The following FAM184A variants were observed in gnomAD, a reference collection of about 807,000 sequenced individuals.
FAM184A encodes the protein family with sequence similarity 184 member A, also known as protein FAM184A.
Under a neutral mutation model 143.8 loss-of-function variants are expected in FAM184A, and 99 were observed. That is an observed-to-expected ratio of 0.69 (90% CI 0.58 to 0.81). The LOEUF is 0.81. Ranked by LOEUF, FAM184A falls within the 40% of genes least tolerant of loss-of-function variation. The pLI, the probability that FAM184A is intolerant of heterozygous loss-of-function variation, is 0.00. For missense variants in FAM184A, 1,217 were observed against 1,310.5 expected (o/e 0.93, Z 1.10); for synonymous variants, 427 against 446.4 (o/e 0.96, Z 0.55).
At chr6:119,105,508 A>T (rs1788755419) in intron 1 of FAM184A, among the ~76,000 whole-genome samples, 1 of 152,152 alleles carries the variant, frequency 6.6e-6, no homozygotes, top group Non-Finnish European at 1.5e-5. Flanking sequence ...CAGTTTCCTG[A>T]GGCTTCCCAG....
chr6:119,043,626 C>A (rs1279270805), intron 1 of FAM184A, among the ~76,000 whole-genome samples: 1 of 152,156 alleles, frequency 6.6e-6, no homozygotes, highest in Non-Finnish European at 1.5e-5. Flanking sequence ...TTTTTCTACC[C>A]CTGCCCCACC....
intron 1 of FAM184A, among the ~76,000 whole-genome samples, chr6:119,095,076 G>A (rs1000770929): frequency 2.6e-5 from 4 of 152,134 alleles, no homozygotes; most frequent in African/African-American, 4.8e-5. Flanking sequence ...ATAGGAAAGT[G>A]CATTACAGCT....
intron 7 of FAM184A, among the ~76,000 whole-genome samples, chr6:119,005,056 T>A (rs997758438): frequency 6.6e-6 from 1 of 152,240 alleles, no homozygotes; most frequent in African/African-American, 2.4e-5. Flanking sequence ...AAATATCATT[T>A]TCCTTTTATT....
At chr6:118,985,457 T>TCCAGTAGAGGGGCC (rs1407818096) in intron 9 of FAM184A, among the ~76,000 whole-genome samples, 1 of 152,224 alleles carries the variant, frequency 6.6e-6, no homozygotes, top group Non-Finnish European at 1.5e-5. Flanking sequence ...TAATAATTTT[T>TCCAGTAGAGGGGCC]CCAGTAGAGG....
intron 1 of FAM184A, among the ~76,000 whole-genome samples, chr6:119,040,387 T>G (rs1443036061): frequency 6.6e-6 from 1 of 152,204 alleles, no homozygotes; most frequent in Admixed American, 6.5e-5. Context: ...CCCACATGCA[T>G]GGCTTTTCCT....
At chr6:118,962,117 TG>T in intron 16 of FAM184A, 154 bp from the exon 17 acceptor site, 1 of 661,450 alleles carries the variant, frequency 1.5e-6, no homozygotes. Flanking sequence ...AACTGTGGTC[TG>T]GGAATCCTTG....
chr6:119,043,589 C>G (rs1786421421), intron 1 of FAM184A, among the ~76,000 whole-genome samples: 1 of 152,202 alleles, frequency 6.6e-6, no homozygotes, highest in Non-Finnish European at 1.5e-5. Flanking sequence ...AAGCCATAAG[C>G]TACTAGGGTA....
chr6:119,065,760 T>G (rs565140485), intron 1 of FAM184A, among the ~76,000 whole-genome samples: 1 of 150,742 alleles, frequency 6.6e-6, no homozygotes, highest in African/African-American at 2.5e-5. Flanking sequence ...TCAGATTTGA[T>G]ATTTCTCAAA....
At chr6:119,065,186 G>A (rs1006680982) in intron 1 of FAM184A, among the ~76,000 whole-genome samples, 1 of 152,160 alleles carries the variant, frequency 6.6e-6, no homozygotes, top group African/African-American at 2.4e-5. Flanking sequence ...TCACCATTCT[G>A]TGATCATGTT....
upstream of FAM184A, among the ~76,000 whole-genome samples, chr6:119,081,050 T>C (rs1788047013): frequency 6.6e-6 from 1 of 151,946 alleles, no homozygotes; most frequent in South Asian, 2.1e-4. Context: ...AACAACCAGA[T>C]CTCATGGTAA....
At chr6:119,096,713 A>G (rs538757110) in intron 1 of FAM184A, among the ~76,000 whole-genome samples, 1 of 151,940 alleles carries the variant, frequency 6.6e-6, no homozygotes, top group East Asian at 1.9e-4. Flanking sequence ...TAGTATTGGT[A>G]TTGGTCTAGG....
intron 1 of FAM184A, among the ~76,000 whole-genome samples, chr6:119,028,472 G>A (rs923800528): frequency 9.2e-5 from 14 of 152,180 alleles, no homozygotes; most frequent in African/African-American, 3.1e-4. Context: ...GACAAGGTCG[G>A]AGAGTTGAGT....
intron 1 of FAM184A, among the ~76,000 whole-genome samples, chr6:119,125,070 T>C (rs1327252758): frequency 7.2e-5 from 11 of 152,250 alleles, no homozygotes; most frequent in African/African-American, 2.7e-4. Context: ...TCATTCTTTA[T>C]AAACATTGTT....
intron 10 of FAM184A, among the ~76,000 whole-genome samples, chr6:118,979,912 TG>T (rs1397593960): frequency 6.6e-6 from 1 of 150,724 alleles, no homozygotes; most frequent in Non-Finnish European, 1.5e-5. Context: ...TAGCCAGGCA[TG>T]GTGGTGTGCG....
upstream of FAM184A, chr6:119,079,288 G>A (rs1274412172): frequency 6.6e-6 from 1 of 152,244 alleles, no homozygotes; most frequent in African/African-American, 2.4e-5. Context: ...CAGTCAGCTG[G>A]TGGAGCACCG....
At chr6:119,021,897 G>A (rs1454642329) in intron 3 of FAM184A, among the ~76,000 whole-genome samples, 3 of 152,022 alleles carry the variant, frequency 2.0e-5, no homozygotes, top group African/African-American at 7.2e-5. Flanking sequence ...GATCACTTGA[G>A]CCCAGGAAGT....
intron 1 of FAM184A, among the ~76,000 whole-genome samples, chr6:119,120,279 T>G (rs887880058): frequency 6.6e-6 from 1 of 152,262 alleles, no homozygotes; most frequent in Non-Finnish European, 1.5e-5. Flanking sequence ...TATGGTATTC[T>G]GTATCTTTCA....
intron 1 of FAM184A, among the ~76,000 whole-genome samples, chr6:119,098,754 C>G (rs970083221): frequency 6.6e-6 from 1 of 152,158 alleles, no homozygotes; most frequent in African/African-American, 2.4e-5. Flanking sequence ...GTCCTCAATT[C>G]TTATGTGAGG....
chr6:119,137,009 T>C (rs1789690024), intron 1 of FAM184A, among the ~76,000 whole-genome samples: 1 of 152,252 alleles, frequency 6.6e-6, no homozygotes, highest in South Asian at 2.1e-4. Flanking sequence ...GCTGTAATCT[T>C]CTTATCCAGA....
Sources: allele counts gnomAD v4.1 joint callset (sites outside exome capture counted in the v4.1 genomes callset), GRCh38; gene constraint gnomAD v4.1.1; transcripts MANE v1.5; gene names NCBI Gene and HGNC (gene_info 2026-07-23, HGNC 2026-07-21).